Variants in RALGAPA2 observed in about 807,000 individuals in gnomAD.
RALGAPA2 encodes Ral GTPase activating protein catalytic subunit alpha 2.
RALGAPA2 carries 139 observed loss-of-function variants against 230.4 expected under a neutral mutation model. The observed-to-expected ratio is 0.60, with a 90% CI of 0.53 to 0.69. RALGAPA2 has a LOEUF of 0.69. Ranked by LOEUF, RALGAPA2 falls within the 30% of genes least tolerant of loss-of-function variation. RALGAPA2 has a pLI of 0.00. For missense variants in RALGAPA2, 2,163 were observed against 2,276.0 expected, an observed-to-expected ratio of 0.95 and a Z score of 1.01; for synonymous variants, 847 against 837.8, an observed-to-expected ratio of 1.01 and a Z score of -0.19.
chr20:20,565,205 C>T (rs1170712444), intron 23 of RALGAPA2, among the ~76,000 whole-genome samples: 1 of 152,174 alleles, frequency 6.6e-6, no homozygotes, highest in Non-Finnish European at 1.5e-5. Flanking sequence ...ATTTGCCATC[C>T]TAATTCTTTA....
rs2063505052 is a variant in RALGAPA2 at position 20,536,642 on chromosome 20, A to C, written c.3414+14T>G. On this transcript the variant is annotated intron_variant, in intron 25 of 39. Coordinates refer to ENST00000202677, the MANE Select transcript of RALGAPA2 (RefSeq NM_020343.4). ...AAGTACTAAACTTGAGATACAGTCA[A>C]ATGCGTTATGTACCTTGACATCTTC... 2 of 1,609,894 alleles carry C rather than the reference A, an allele frequency of 1.2e-6. No individual in the cohort carries two copies. Among genetic ancestry groups the C allele is most frequent in the South Asian group, 2.2e-5 (2 of 90,836 alleles).
chr20:20,576,517 C>A (rs1020419944), intron 20 of RALGAPA2, among the ~76,000 whole-genome samples: 1 of 152,034 alleles, frequency 6.6e-6, no homozygotes, highest in Admixed American at 6.6e-5. Context: ...CTTCTCTTAG[C>A]CCTGATGTAT....
At chr20:20,662,336 T>A (rs1204123661) in intron 3 of RALGAPA2, among the ~76,000 whole-genome samples, 1 of 152,026 alleles carries the variant, frequency 6.6e-6, no homozygotes, top group Non-Finnish European at 1.5e-5. Flanking sequence ...TACTTGTGGA[T>A]TTTAACACTC....
chr20:20,538,717 T>A (rs1327904022), intron 24 of RALGAPA2, among the ~76,000 whole-genome samples: 1 of 152,142 alleles, frequency 6.6e-6, no homozygotes, highest in East Asian at 1.9e-4. Context: ...GAGAAAAGTC[T>A]GGGATAACAA....
chr20:20,544,375 G>A (rs1384502898), intron 24 of RALGAPA2, among the ~76,000 whole-genome samples: 2 of 151,764 alleles, frequency 1.3e-5, no homozygotes, highest in African/African-American at 4.8e-5. Context: ...AACAGATGCT[G>A]GAGAGGATGT....
chr20:20,552,177 T>C (rs2063944637), intron 23 of RALGAPA2, among the ~76,000 whole-genome samples: 1 of 152,206 alleles, frequency 6.6e-6, no homozygotes, highest in South Asian at 2.1e-4. Context: ...ACCAATTACA[T>C]ATATATTATT....
At chr20:20,552,444 T>C (rs1432304651) in intron 23 of RALGAPA2, among the ~76,000 whole-genome samples, 1 of 152,210 alleles carries the variant, frequency 6.6e-6, no homozygotes, top group Non-Finnish European at 1.5e-5. Flanking sequence ...GTTAGATGAA[T>C]TCATCACTGT....
chr20:20,498,009 G>A (rs938379996), intron 35 of RALGAPA2, among the ~76,000 whole-genome samples: 1 of 152,168 alleles, frequency 6.6e-6, no homozygotes, highest in African/African-American at 2.4e-5. Context: ...AAACAGGTAG[G>A]TAAAATAAAT....
At position 20,619,554 on chromosome 20, in the gene RALGAPA2, C is replaced by T. The variant is rs1308916626; in HGVS notation, c.1402-140G>A. On this transcript the variant is annotated intron_variant, in intron 11 of 39. Transcript: ENST00000202677. ...TTAATTCCTTAAACTCACCAGGATT[C>T]ACATGAAAATAGGTTCTAGGAGGTA... 3 of 696,642 alleles carry T rather than the reference C, an allele frequency of 4.3e-6. No individual in the cohort carries two copies. In the African/African-American group the frequency reaches 5.7e-5, roughly 13 times the overall value. The allele number at this position is 696,642 out of a possible 1,614,324, so 43.2% of individuals were successfully genotyped here.
chr20:20,485,784 A>C (rs1278607663), intron 36 of RALGAPA2, among the ~76,000 whole-genome samples: 1 of 152,206 alleles, frequency 6.6e-6, no homozygotes, highest in African/African-American at 2.4e-5. Context: ...CATATGCTAT[A>C]AGCATGAAAT....
At chr20:20,666,926 AGAG>A (rs1196868492) in intron 3 of RALGAPA2, among the ~76,000 whole-genome samples, 1 of 152,090 alleles carries the variant, frequency 6.6e-6, no homozygotes, top group African/African-American at 2.4e-5. Flanking sequence ...GGGGAGGAAA[AGAG>A]GAGGAGGAGA....
At chr20:20,549,506 C>T (rs1358558552) in intron 23 of RALGAPA2, among the ~76,000 whole-genome samples, 2 of 152,000 alleles carry the variant, frequency 1.3e-5, no homozygotes, top group East Asian at 3.9e-4. Flanking sequence ...TGTGTGAAGT[C>T]GCCAAAGACA....
chr20:20,677,183 G>A (rs374010081), intron 2 of RALGAPA2, among the ~76,000 whole-genome samples: 16 of 152,174 alleles, frequency 1.1e-4, no homozygotes, highest in African/African-American at 3.9e-4. Flanking sequence ...TCTGGCAGGA[G>A]GGGGCATTCT....
At chr20:20,650,275 T>C (rs914437647) in intron 4 of RALGAPA2, among the ~76,000 whole-genome samples, 3 of 152,224 alleles carry the variant, frequency 2.0e-5, no homozygotes, top group Non-Finnish European at 2.9e-5. Context: ...AGAAATAGAA[T>C]GTCTCTGTTT....
chr20:20,478,866 GA>G (rs566280366), intron 36 of RALGAPA2, among the ~76,000 whole-genome samples: 3 of 142,776 alleles, frequency 2.1e-5, no homozygotes, highest in Non-Finnish European at 3.1e-5. Context: ...AATAAAAGTT[GA>G]AAAAAAAAAG....
At chr20:20,700,424 C>A (rs1568772596) in intron 1 of RALGAPA2, among the ~76,000 whole-genome samples, 1 of 152,070 alleles carries the variant, frequency 6.6e-6, no homozygotes, top group Non-Finnish European at 1.5e-5. Context: ...ACGTAACAAA[C>A]CTGCACATGT....
At chr20:20,400,518 T>G (rs758479102) in intron 38 of RALGAPA2, among the ~76,000 whole-genome samples, 1 of 152,250 alleles carries the variant, frequency 6.6e-6, no homozygotes, top group Non-Finnish European at 1.5e-5. Flanking sequence ...TATAATGTAC[T>G]TGTGTGTGGC....
At chr20:20,505,854 A>G (rs150803639) in intron 33 of RALGAPA2, among the ~76,000 whole-genome samples, 3 of 152,342 alleles carry the variant, frequency 2.0e-5, no homozygotes, top group African/African-American at 7.2e-5. Context: ...ATACCCTCAG[A>G]CATAAGATAC....
At position 20,686,486 on chromosome 20, in the gene RALGAPA2, C is replaced by T. The variant is rs141558665; in HGVS notation, c.107-5685G>A. 4.2e-3 allele frequency among the ~76,000 whole-genome samples: 641 copies of T among 151,104 alleles called. 2 individuals carry two copies. The highest frequency in any genetic ancestry group is 8.6e-3 in the South Asian group (41 of 4,774). On this transcript the variant is annotated intron_variant, in intron 1 of 39. Transcript: ENST00000202677. ...GACTCAACCTGGGAGGAGCCGAGAT[C>T]GCACCACTGCACTCCAGCCTGGACG...
Sources: gnomAD v4.1 joint callset for allele counts (sites outside exome capture counted in the v4.1 genomes callset) on GRCh38, gnomAD v4.1.1 for gene constraint, MANE v1.5 for transcripts, NCBI Gene and HGNC (gene_info 2026-07-23, HGNC 2026-07-21) for gene names.